The following RPS6KA5 variants were observed in gnomAD, a reference collection of about 807,000 sequenced individuals.
RPS6KA5 encodes the protein ribosomal protein S6 kinase A5, also known as ribosomal protein S6 kinase alpha-5.
Under a neutral mutation model 85.5 loss-of-function variants are expected in RPS6KA5, and 27 were observed. That is an observed-to-expected ratio of 0.32 (90% CI 0.23 to 0.44). The LOEUF is 0.44. Ranked by LOEUF, RPS6KA5 falls within the 20% of genes least tolerant of loss-of-function variation. The pLI, the probability that RPS6KA5 is intolerant of heterozygous loss-of-function variation, is 1.00. For synonymous variants in RPS6KA5, 334 were observed against 348.2 expected (o/e 0.96, Z 0.46); for missense variants, 811 against 980.9 (o/e 0.83, Z 2.31).
chr14:90,864,727 G>A lies in RPS6KA5; in HGVS notation c.*7347C>T, dbSNP rs1048285003. 6.6e-6 allele frequency: 1 copy of A among 152,102 alleles called. No homozygotes were observed. Among genetic ancestry groups the A allele is most frequent in the Non-Finnish European group, 1.5e-5 (1 of 68,024 alleles). 9.4% of individuals were successfully genotyped at this position (152,102 alleles called of 1,614,324 possible). A position where few individuals can be genotyped will look rare whatever the true frequency, so the allele number is the denominator to read the frequency against. On this transcript the variant is annotated 3_prime_UTR_variant, in exon 17 of 17. Transcript: ENST00000614987. Reference sequence around the variant, plus strand: ...TAAATATGAACAAATGACTTGAACAGGCACTTAATTGAGGATAGCCAAATG... The same window carrying A: ...TAAATATGAACAAATGACTTGAACAAGCACTTAATTGAGGATAGCCAAATG...
chr14:90,885,539 C>A lies in RPS6KA5; in HGVS notation c.1836+4948G>T, dbSNP rs373348134. 5.8e-3 allele frequency among the ~76,000 whole-genome samples: 465 copies of A among 80,554 alleles called. 3 individuals carry two copies. Among genetic ancestry groups the A allele is most frequent in the African/African-American group, 0.024 (425 of 17,910 alleles). The allele number at this position is 80,554 out of a possible 152,430, so 52.8% of individuals were successfully genotyped here. On this transcript the variant is annotated intron_variant, in intron 14 of 16. Transcript: ENST00000614987. Reference sequence around the variant, plus strand: ...CTGCACTCCAGCCTGGGCGACAGAGCGAGACTCCGTCTCAAAAAAAAAAAA... The same window carrying A: ...CTGCACTCCAGCCTGGGCGACAGAGAGAGACTCCGTCTCAAAAAAAAAAAA...
At chr14:90,897,469 A>C (rs2034902472) in intron 12 of RPS6KA5, among the ~76,000 whole-genome samples, 1 of 152,220 alleles carries the variant, frequency 6.6e-6, no homozygotes, top group Admixed American at 6.5e-5. Context: ...TATTGCACAA[A>C]GGCTGAAGAC....
intron 3 of RPS6KA5, among the ~76,000 whole-genome samples, chr14:90,967,772 T>G (rs899038117): frequency 6.6e-6 from 1 of 152,222 alleles, no homozygotes; most frequent in African/African-American, 2.4e-5. Context: ...TCTGATACTG[T>G]GTCTCTAAGA....
At chr14:90,899,510 C>T (rs1566712224) in intron 11 of RPS6KA5, 88 bp from the exon 12 acceptor site, 4 of 832,032 alleles carry the variant, frequency 4.8e-6, no homozygotes, top group Admixed American at 2.0e-5. Context: ...GTCTTATTTA[C>T]AGTGCATTCA....
rs544739457 is a variant in RPS6KA5 at position 90,868,725 on chromosome 14, G to A, written c.*3349C>T. 1.3e-3 allele frequency: 198 copies of A among 152,244 alleles called. No homozygotes were observed. The highest frequency in any genetic ancestry group is 4.6e-3 in the African/African-American group (190 of 41,552). 9.4% of individuals were successfully genotyped at this position (152,244 alleles called of 1,614,324 possible). A position where few individuals can be genotyped will look rare whatever the true frequency, so the allele number is the denominator to read the frequency against. ...CTTGAAATGGGGGCAAGGTGAATAAGTATCCAGTCAATTGTATACTTTTAT... is the reference window on the plus strand; with the variant it reads ...CTTGAAATGGGGGCAAGGTGAATAAATATCCAGTCAATTGTATACTTTTAT... On this transcript the variant is annotated 3_prime_UTR_variant, in exon 17 of 17. Coordinates refer to ENST00000614987, the MANE Select transcript of RPS6KA5 (RefSeq NM_004755.4).
intron 14 of RPS6KA5, among the ~76,000 whole-genome samples, chr14:90,882,991 T>C (rs1258440092): frequency 2.0e-5 from 3 of 152,018 alleles, no homozygotes; most frequent in Non-Finnish European, 4.4e-5. Context: ...AGAGATGGGG[T>C]TTCACCATGT....
intron 3 of RPS6KA5, among the ~76,000 whole-genome samples, chr14:90,965,459 AAAAGAAAGGAG>A: frequency 6.6e-6 from 1 of 152,230 alleles, no homozygotes; most frequent in Non-Finnish European, 1.5e-5. Flanking sequence ...TTTAAGGTGC[AAAAGAAAGGAG>A]AAAGGAAGAA....
intron 1 of RPS6KA5, among the ~76,000 whole-genome samples, chr14:91,038,272 T>TCCTACC (rs2042476519): frequency 6.6e-6 from 1 of 152,172 alleles, no homozygotes; most frequent in Non-Finnish European, 1.5e-5. Context: ...CTGTCAAGGG[T>TCCTACC]GTATGAGAGG....
intron 14 of RPS6KA5, 75 bp from the exon 15 acceptor site, chr14:90,875,435 C>T (rs186026930): frequency 2.4e-5 from 32 of 1,340,130 alleles, no homozygotes; most frequent in Middle Eastern, 4.1e-4. Context: ...CTAATAGTAA[C>T]GTAACTGGTG....
chr14:91,013,323 G>A (rs1459608510), intron 1 of RPS6KA5, among the ~76,000 whole-genome samples: 3 of 152,162 alleles, frequency 2.0e-5, no homozygotes, highest in Non-Finnish European at 2.9e-5. Flanking sequence ...GGGTCCAGAG[G>A]GGACACTCAG....
At chr14:90,963,683 A>G (rs1250283741) in intron 3 of RPS6KA5, among the ~76,000 whole-genome samples, 1 of 152,166 alleles carries the variant, frequency 6.6e-6, no homozygotes, top group East Asian at 1.9e-4. Flanking sequence ...GATACGACAC[A>G]CTTTACATAG....
Position 90,991,700 on chromosome 14 carries a change from T to C in RPS6KA5, c.175+9388A>G, listed in dbSNP as rs1483194714. On this transcript the variant is annotated intron_variant, in intron 2 of 16. Transcript: ENST00000614987. ...CTGGGTGACAGAGTGAGACTCCATC[T>C]CAAAAAAAAAAAAAAAAAAAGAAGA... is the stretch of plus-strand genomic sequence containing the variant. Among the ~76,000 whole-genome samples the C allele has an allele frequency of 6.8e-4, 16 of 23,488 alleles. 1 individual carries two copies. Among genetic ancestry groups the C allele is most frequent in the African/African-American group, 1.5e-3 (14 of 9,560 alleles). The allele number at this position is 23,488 out of a possible 152,430, so 15.4% of individuals were successfully genotyped here.
At position 91,060,629 on chromosome 14, in the gene RPS6KA5, C is replaced by G; in HGVS notation, c.-195G>C. On this transcript the variant is annotated 5_prime_UTR_variant, in exon 1 of 17. Coordinates refer to ENST00000614987, the MANE Select transcript of RPS6KA5 (RefSeq NM_004755.4). ...TCGCCTCCTCCCCCTTCGGCGGGCA[C>G]CGCTAGTACCGCGCAACCAAACCGC... 1.5e-6 allele frequency: 1 copy of G among 681,368 alleles called. No individual in the cohort carries two copies. The highest frequency in any genetic ancestry group is 2.0e-6 in the Non-Finnish European group (1 of 487,822). 42.2% of individuals were successfully genotyped at this position (681,368 alleles called of 1,614,324 possible).
chr14:91,040,366 C>G (rs2042561237), intron 1 of RPS6KA5, among the ~76,000 whole-genome samples: 1 of 152,178 alleles, frequency 6.6e-6, no homozygotes, highest in African/African-American at 2.4e-5. Flanking sequence ...CGAGATCATG[C>G]CACTGCACTC....
intron 1 of RPS6KA5, among the ~76,000 whole-genome samples, chr14:91,048,024 T>C (rs1190981408): frequency 1.3e-5 from 2 of 152,250 alleles, no homozygotes; most frequent in Non-Finnish European, 2.9e-5. Flanking sequence ...CATCTCAGGA[T>C]ACTTAATCAC....
At chr14:90,936,429 T>G (rs2037259647) in intron 5 of RPS6KA5, among the ~76,000 whole-genome samples, 1 of 152,130 alleles carries the variant, frequency 6.6e-6, no homozygotes, top group South Asian at 2.1e-4. Context: ...CCGGGCATAG[T>G]GGCATGTGCC....
At chr14:90,988,721 G>A (rs930164641) in intron 2 of RPS6KA5, among the ~76,000 whole-genome samples, 3 of 152,164 alleles carry the variant, frequency 2.0e-5, no homozygotes, top group Non-Finnish European at 4.4e-5. Flanking sequence ...GCTGAGGCAG[G>A]AGCATTGCTT....
At position 91,014,231 on chromosome 14, in the gene RPS6KA5, G is replaced by A. The variant is rs536415521; in HGVS notation, c.104-13072C>T. ...CATGAGTATTATAAGGCCGGGGTAC[G>A]GTGGCTCACGCCTGTAATCACAGCA... is the stretch of plus-strand genomic sequence containing the variant. On this transcript the variant is annotated intron_variant, in intron 1 of 16. Coordinates refer to ENST00000614987, the MANE Select transcript of RPS6KA5 (RefSeq NM_004755.4). 5.3e-5 allele frequency among the ~76,000 whole-genome samples: 8 copies of A among 152,120 alleles called. No homozygotes were observed. In the South Asian group the frequency reaches 1.2e-3, roughly 24 times the overall value.
intron 1 of RPS6KA5, among the ~76,000 whole-genome samples, chr14:91,044,307 G>A (rs1053828829): frequency 7.1e-6 from 1 of 140,562 alleles, no homozygotes; most frequent in Non-Finnish European, 1.5e-5. Context: ...GAGAGAGAAA[G>A]AGAGAGAGAG....
Sources: allele counts gnomAD v4.1 joint callset (sites outside exome capture counted in the v4.1 genomes callset), GRCh38; gene constraint gnomAD v4.1.1; transcripts MANE v1.5; gene names NCBI Gene and HGNC (gene_info 2026-07-23, HGNC 2026-07-21).